Variants in SFMBT1 observed in about 807,000 individuals in gnomAD.
SFMBT1 encodes scm-like with four MBT domains protein 1.
A neutral mutation model predicts 108.7 loss-of-function variants in SFMBT1; 32 were observed. That is an observed-to-expected ratio of 0.29 (90% CI 0.22 to 0.40). SFMBT1 has a LOEUF of 0.40. SFMBT1 is among the 10% of genes least tolerant of loss of function. SFMBT1 has a pLI of 1.00. For missense variants in SFMBT1, 816 were observed against 1,059.6 expected (o/e 0.77, Z 3.19); for synonymous variants, 348 against 369.5 (o/e 0.94, Z 0.67).
intron 1 of SFMBT1, among the ~76,000 whole-genome samples, chr3:53,008,687 G>A (rs1223614840): frequency 6.6e-6 from 1 of 150,456 alleles, no homozygotes; most frequent in African/African-American, 2.5e-5. Flanking sequence ...CTGGAGTGCA[G>A]TGGCGCGATC....
chr3:52,922,545 G>A (rs1678868205), intron 10 of SFMBT1, among the ~76,000 whole-genome samples: 1 of 152,174 alleles, frequency 6.6e-6, no homozygotes, highest in African/African-American at 2.4e-5. Flanking sequence ...ATTTAGAACA[G>A]GGTCTGGAAA....
Position 52,928,627 on chromosome 3 carries a change from C to CATATAT in SFMBT1, c.898-292_898-287dup, listed in dbSNP as rs1183172752. 3.3e-3 allele frequency: 28 copies of CATATAT among 8,392 alleles called. No individual in the cohort carries two copies. The East Asian group carries it at 0.089, about 27-fold the overall frequency. 0.5% of individuals were successfully genotyped at this position (8,392 alleles called of 1,614,324 possible). A position where few individuals can be genotyped will look rare whatever the true frequency, so the allele number is the denominator to read the frequency against. On this transcript the variant is annotated intron_variant, in intron 8 of 20. Coordinates refer to ENST00000394752, the MANE Select transcript of SFMBT1 (RefSeq NM_016329.4). ...ATATATACATATATATACATATATA[C>CATATAT]ATATATATACATATATATATATATA...
At chr3:53,026,158 C>G (rs568973583) in intron 1 of SFMBT1, among the ~76,000 whole-genome samples, 54 of 152,232 alleles carry the variant, frequency 3.5e-4, no homozygotes, top group Middle Eastern at 3.4e-3. Flanking sequence ...CATGAAAACA[C>G]AAACTGCCAC....
At chr3:52,968,248 A>T (rs1306289043) in intron 2 of SFMBT1, among the ~76,000 whole-genome samples, 1 of 152,222 alleles carries the variant, frequency 6.6e-6, no homozygotes, top group Non-Finnish European at 1.5e-5. Context: ...GAGATGGAGA[A>T]CAAATTAACA....
intron 1 of SFMBT1, among the ~76,000 whole-genome samples, chr3:53,033,495 A>G (rs1212143697): frequency 6.6e-6 from 1 of 151,846 alleles, no homozygotes; most frequent in African/African-American, 2.4e-5. Context: ...TTTTGCAGCC[A>G]TTTTTACCCC....
chr3:52,916,203 G>A lies in SFMBT1; in HGVS notation c.1427C>T (p.Ser476Leu), dbSNP rs769924814. ...CCTCAGGCCCTCGTGGACAGTCCTCGAGGATGGTACTCTGGGTCAAGAAAA... is the reference window on the plus strand; with the variant it reads ...CCTCAGGCCCTCGTGGACAGTCCTCAAGGATGGTACTCTGGGTCAAGAAAA... ...VVQPEKQVPS[S>L]RTVHEGLRNQ... Residue 476 changes from serine to leucine, a missense_variant, in exon 14 of 21, where the codon TCG becomes TTG. This residue lies in a region of SFMBT1 where 495 missense variants were observed against 607.4 expected (regional missense o/e 0.81). Transcript: ENST00000394752. The A allele has an allele frequency of 1.4e-5, 22 of 1,613,924 alleles. No homozygotes were observed. The highest frequency in any genetic ancestry group is 2.2e-5 in the East Asian group (1 of 44,878).
intron 3 of SFMBT1, among the ~76,000 whole-genome samples, chr3:52,948,229 G>A (rs778614673): frequency 4.1e-5 from 6 of 145,106 alleles, no homozygotes; most frequent in East Asian, 2.0e-4. Context: ...CACTTTTCCC[G>A]ACCACTATAA....
At chr3:52,995,022 GA>G (rs1228956626) in intron 1 of SFMBT1, among the ~76,000 whole-genome samples, 8 of 128,968 alleles carry the variant, frequency 6.2e-5, no homozygotes, top group African/African-American at 2.3e-4. Context: ...AAGAAAGAAA[GA>G]AAAGAAAGCA....
rs148867141 is a variant in SFMBT1, at chr3:53,024,361, C to T, written c.-131+21455G>A. Among the ~76,000 whole-genome samples, 207 of 152,132 alleles carry T rather than the reference C, an allele frequency of 1.4e-3. 1 individual carries two copies. The highest frequency in any genetic ancestry group is 0.011 in the South Asian group (54 of 4,822). On this transcript the variant is annotated intron_variant, in intron 1 of 20. Coordinates refer to ENST00000394752, the MANE Select transcript of SFMBT1 (RefSeq NM_016329.4). ...ATAACTGTAGGAAGAGCATTCCAGG[C>T]GAGGGAAGATATGTCCAAGAGTCCT...
chr3:52,915,477 T>A (rs1053700446), intron 14 of SFMBT1, among the ~76,000 whole-genome samples: 4 of 152,214 alleles, frequency 2.6e-5, no homozygotes, highest in Non-Finnish European at 4.4e-5. Context: ...TCATTTCTGG[T>A]CTTTCTACTC....
At chr3:53,021,803 C>T (rs1004461368) in intron 1 of SFMBT1, among the ~76,000 whole-genome samples, 17 of 152,052 alleles carry the variant, frequency 1.1e-4, no homozygotes, top group Non-Finnish European at 2.5e-4. Flanking sequence ...AAATCATTTA[C>T]AAGGGGAAAA....
rs746587266 is a variant in SFMBT1, at chr3:52,906,170, A to G, written c.2403T>C (p.Val801=). 14 of 1,614,028 alleles carry G rather than the reference A, an allele frequency of 8.7e-6. No individual in the cohort carries two copies. Among genetic ancestry groups the G allele is most frequent in the South Asian group, 7.7e-5 (7 of 91,092 alleles). ...SNPLKWSVAD[V]VRFIRSTDCA... ...AGTCAGTGGATCTGATGAACCGCAC[A>G]ACGTCTGCCACACTCCACTTCAAGG... The change falls in exon 20 of 21, where the codon GTT becomes GTC. Residue 801 remains valine (V), a synonymous_variant. Transcript: ENST00000394752.
At chr3:52,930,602 C>G (rs1019556345) in intron 7 of SFMBT1, among the ~76,000 whole-genome samples, 172 bp from the exon 8 acceptor site, 3 of 151,916 alleles carry the variant, frequency 2.0e-5, no homozygotes, top group African/African-American at 4.8e-5. Flanking sequence ...AAAAAACTAT[C>G]CAGGAAAAAA....
intron 2 of SFMBT1, among the ~76,000 whole-genome samples, chr3:52,965,337 T>C (rs1294176708): frequency 9.2e-6 from 1 of 108,852 alleles, no homozygotes; most frequent in Non-Finnish European, 2.0e-5. Context: ...AAAAAAAAAA[T>C]GAAGAGAGTC....
intron 1 of SFMBT1, among the ~76,000 whole-genome samples, chr3:52,982,285 A>G (rs1469870358): frequency 6.6e-6 from 1 of 152,226 alleles, no homozygotes; most frequent in Non-Finnish European, 1.5e-5. Flanking sequence ...AAAAGTCCTG[A>G]AAGCCATCAA....
Position 52,907,155 on chromosome 3 carries a change from A to G in SFMBT1, c.2245T>C (p.Ser749Pro). 1 of 1,614,180 alleles carries G rather than the reference A, an allele frequency of 6.2e-7. No homozygotes were observed. The highest frequency in any genetic ancestry group is 1.1e-5 in the South Asian group (1 of 91,084). Residue 749 changes from serine (S) to proline (P), a missense_variant, in exon 19 of 21, where the codon TCG becomes CCG. Ser to Pro is a moderately conservative substitution (Grantham distance 74). This residue lies in a region of SFMBT1 where 177 missense variants were observed against 182.0 expected (regional missense o/e 0.97). Transcript: ENST00000394752. ...SSPTQSEIST[S>P]LPPDRQRRKR... ...CTCCTTTGTCTATCTGGAGGCAGCG[A>G]TGTGGATATCTCACTTTGGGTGGGA...
At chr3:52,990,715 A>C (rs190974846) in intron 1 of SFMBT1, among the ~76,000 whole-genome samples, 1 of 152,172 alleles carries the variant, frequency 6.6e-6, no homozygotes, top group African/African-American at 2.4e-5. Context: ...GGATGGAAAG[A>C]AGGAAGGAAG....
intron 3 of SFMBT1, among the ~76,000 whole-genome samples, chr3:52,947,363 C>A (rs191491519): frequency 6.7e-6 from 1 of 148,412 alleles, no homozygotes; most frequent in Non-Finnish European, 1.5e-5. Flanking sequence ...GTGATCCGCC[C>A]GCCTCGGCCT....
intron 1 of SFMBT1, among the ~76,000 whole-genome samples, chr3:52,997,233 T>C (rs1468307221): frequency 1.3e-5 from 2 of 150,038 alleles, no homozygotes; most frequent in African/African-American, 2.4e-5. Context: ...GTCCATCAAC[T>C]AGTGAATGGA....
Sources: allele counts gnomAD v4.1 joint callset (sites outside exome capture counted in the v4.1 genomes callset), GRCh38; gene constraint gnomAD v4.1.1; regional missense constraint gnomAD v4.1.1; transcripts MANE v1.5; gene names NCBI Gene and HGNC (gene_info 2026-07-23, HGNC 2026-07-21).